Variants in MICAL2 observed in about 807,000 individuals in gnomAD.
MICAL2 encodes microtubule associated monooxygenase, calponin and LIM domain containing 2.
In MICAL2, 77 loss-of-function variants were observed where a neutral mutation model predicts 127.3. The observed-to-expected ratio is 0.60, with a 90% CI of 0.50 to 0.73. The LOEUF (loss-of-function observed/expected upper bound fraction) is 0.73, where lower values mean the gene tolerates loss of function less well. Among genes scored for constraint, MICAL2 ranks in the 30% least tolerant of loss-of-function variants. MICAL2 has a pLI of 0.00. For missense variants in MICAL2, 1,351 were observed against 1,434.4 expected, an observed-to-expected ratio of 0.94 and a Z score of 0.94; for synonymous variants, 570 against 551.1, an observed-to-expected ratio of 1.03 and a Z score of -0.48.
At chr11:12,274,789 G>A (rs1180707637), upstream of MICAL2, 2 of 152,224 alleles carry the variant, frequency 1.3e-5, no homozygotes, top group Non-Finnish European at 2.9e-5. Context: ...GGCCTCGGTA[G>A]GGCCTTCAGC....
rs569384428 is a variant in MICAL2 at position 12,162,446 on chromosome 11, C to A, written c.264+27C>A. The A allele has an allele frequency of 2.5e-6, 4 of 1,610,538 alleles. No individual in the cohort carries two copies. In the Admixed American group the frequency reaches 5.0e-5, roughly 20 times the overall value. On this transcript the variant is annotated intron_variant, in intron 3 of 27. Coordinates refer to ENST00000683283, the MANE Select transcript of MICAL2 (RefSeq NM_001282663.2). ...TAAGGGGAAACCCTCCTAGTCTTACCTTTGCAGGGCGTGTGGGTTGACATT... is the reference window on the plus strand; with the variant it reads ...TAAGGGGAAACCCTCCTAGTCTTACATTTGCAGGGCGTGTGGGTTGACATT...
intron 2 of MICAL2, among the ~76,000 whole-genome samples, chr11:12,151,272 G>T (rs959547917): frequency 1.3e-5 from 2 of 152,102 alleles, no homozygotes; most frequent in African/African-American, 4.8e-5. Flanking sequence ...TATTTCTGGG[G>T]GTCAGGCAAC....
intron 21 of MICAL2, among the ~76,000 whole-genome samples, chr11:12,247,318 A>G (rs182729413): frequency 2.4e-4 from 37 of 152,274 alleles, no homozygotes; most frequent in African/African-American, 8.4e-4. Flanking sequence ...TGGTAGAACA[A>G]TTGCCCCATT....
chr11:12,230,102 T>C (rs1858023273), intron 15 of MICAL2, among the ~76,000 whole-genome samples: 1 of 152,348 alleles, frequency 6.6e-6, no homozygotes, highest in Admixed American at 6.5e-5. Context: ...GCATTCTGTC[T>C]ACCACTCAAT....
At chr11:12,361,692 G>A (rs1269890297), downstream of MICAL2, among the ~76,000 whole-genome samples, 6 of 152,314 alleles carry the variant, frequency 3.9e-5, no homozygotes, top group East Asian at 7.7e-4. Context: ...CAACCCTGAT[G>A]AGCTGCAATG....
intron 32 of MICAL2, among the ~76,000 whole-genome samples, chr11:12,340,042 C>G (rs1212720619): frequency 1.3e-5 from 2 of 152,204 alleles, no homozygotes; most frequent in Non-Finnish European, 2.9e-5. Flanking sequence ...TGGAGCTGTT[C>G]CAATTCAGCC....
intron 22 of MICAL2, chr11:12,253,692 G>A (rs189746625): frequency 1.3e-5 from 2 of 152,312 alleles, no homozygotes; most frequent in East Asian, 3.9e-4. Context: ...TTATTATACA[G>A]GATCTTATCA....
At position 12,174,488 on chromosome 11, in the gene MICAL2, G is replaced by A. The variant is rs542857143; in HGVS notation, c.264+12069G>A. On this transcript the variant is annotated intron_variant, in intron 3 of 27. Coordinates refer to ENST00000683283, the MANE Select transcript of MICAL2 (RefSeq NM_001282663.2). ...ATTCACTTGGCCTGATGTCCTCAAG[G>A]TTCATCTGTGACATATGCCAGAATT... 3.9e-5 allele frequency among the ~76,000 whole-genome samples: 6 copies of A among 151,962 alleles called. No individual in the cohort carries two copies. In the South Asian group the frequency reaches 1.2e-3, roughly 32 times the overall value.
At chr11:12,146,802 G>C (rs1278745399) in intron 2 of MICAL2, among the ~76,000 whole-genome samples, 1 of 152,144 alleles carries the variant, frequency 6.6e-6, no homozygotes. Context: ...GAAAGACTTG[G>C]AACCAACCCA....
rs184783378 is a variant in MICAL2, at chr11:12,114,782, C to T, written c.-149+4056C>T. On this transcript the variant is annotated intron_variant, in intron 1 of 27. Transcript: ENST00000683283. The stretch of plus-strand genomic sequence containing the variant: ...GTGTGGACGTTTCCTCAGCACGCGT[C>T]GGTCTGTAAACATCCTAAAATAATA... Among the ~76,000 whole-genome samples the T allele has an allele frequency of 3.7e-4, 57 of 152,306 alleles. 1 individual carries two copies. The highest frequency in any genetic ancestry group is 2.2e-3 in the Admixed American group (33 of 15,296).
At chr11:12,168,369 C>T (rs1208119994) in intron 3 of MICAL2, among the ~76,000 whole-genome samples, 2 of 150,930 alleles carry the variant, frequency 1.3e-5, no homozygotes, top group Non-Finnish European at 3.0e-5. Flanking sequence ...TACACACATA[C>T]ACACACATAC....
intron 3 of MICAL2, among the ~76,000 whole-genome samples, chr11:12,192,709 C>T (rs1487984606): frequency 1.3e-5 from 2 of 152,174 alleles, no homozygotes; most frequent in East Asian, 1.9e-4. Context: ...ACCCAGGAGG[C>T]GGAGGTTCCA....
At chr11:12,119,446 T>A (rs948578861) in intron 1 of MICAL2, among the ~76,000 whole-genome samples, 1 of 152,216 alleles carries the variant, frequency 6.6e-6, no homozygotes, top group Non-Finnish European at 1.5e-5. Context: ...ACCTTATATG[T>A]CCTGATTTTA....
At chr11:12,276,416 T>G (rs959344299) in intron 1 of MICAL2, 1 of 343,968 alleles carries the variant, frequency 2.9e-6, no homozygotes, top group East Asian at 4.3e-5. Flanking sequence ...CAATTGTTAT[T>G]TTCTTGGGAA....
intron 3 of MICAL2, among the ~76,000 whole-genome samples, chr11:12,166,831 T>G (rs1189196811): frequency 6.6e-6 from 1 of 150,388 alleles, no homozygotes; most frequent in Non-Finnish European, 1.5e-5. Context: ...GAAGAGGAGG[T>G]TTAATGTGGG....
chr11:12,354,099 C>T (rs1352482820), intron 33 of MICAL2, among the ~76,000 whole-genome samples: 1 of 152,226 alleles, frequency 6.6e-6, no homozygotes. Flanking sequence ...TCAGCTGCTC[C>T]CCCTGGTCTC....
chr11:12,280,354 C>T (rs1465969347), intron 1 of MICAL2, among the ~76,000 whole-genome samples: 1 of 152,196 alleles, frequency 6.6e-6, no homozygotes, highest in African/African-American at 2.4e-5. Context: ...CATTGCTGGG[C>T]CCCTTCTGCT....
rs1359439395 is a variant in MICAL2, at chr11:12,213,034, C to G, written c.692-221C>G. Among the ~76,000 whole-genome samples the G allele has an allele frequency of 2.0e-5, 3 of 152,108 alleles. 1 individual carries two copies. Among genetic ancestry groups the G allele is most frequent in the Non-Finnish European group, 4.4e-5 (3 of 68,020 alleles). On this transcript the variant is annotated intron_variant, in intron 6 of 27. Coordinates refer to ENST00000683283, the MANE Select transcript of MICAL2 (RefSeq NM_001282663.2). Reference sequence around the variant, plus strand: ...TCGCTTTTCCTTTTGTTTATTGAAGCCTAACCAGGTCCTGTAGATTTTAGA... The same window carrying G: ...TCGCTTTTCCTTTTGTTTATTGAAGGCTAACCAGGTCCTGTAGATTTTAGA...
chr11:12,273,257 G>A (rs1244307462), upstream of MICAL2, among the ~76,000 whole-genome samples: 1 of 152,210 alleles, frequency 6.6e-6, no homozygotes, highest in African/African-American at 2.4e-5. Flanking sequence ...AGGATCGGGT[G>A]AGATTTAATA....
Sources: allele counts gnomAD v4.1 joint callset (sites outside exome capture counted in the v4.1 genomes callset), GRCh38; gene constraint gnomAD v4.1.1; transcripts MANE v1.5; gene names NCBI Gene and HGNC (gene_info 2026-07-23, HGNC 2026-07-21).